Variants in MYO1B observed in about 807,000 individuals in gnomAD.
The protein encoded by MYO1B is myosin IB, also known as unconventional myosin-Ib.
A neutral mutation model predicts 159.7 loss-of-function variants in MYO1B; 72 were observed. That is an observed-to-expected ratio of 0.45 (90% CI 0.37 to 0.55). The LOEUF is 0.55. Among genes scored for constraint, MYO1B ranks in the 20% least tolerant of loss-of-function variants. MYO1B has a pLI of 0.00. For missense variants in MYO1B, 1,062 were observed against 1,364.8 expected (o/e 0.78, Z 3.50); for synonymous variants, 468 against 473.8 (o/e 0.99, Z 0.16).
At position 191,416,218 on chromosome 2, in the gene MYO1B, A is replaced by G; in HGVS notation, c.3263A>G (p.Lys1088Arg). 6.2e-7 allele frequency: 1 copy of G among 1,614,162 alleles called. No homozygotes were observed. Among genetic ancestry groups the G allele is most frequent in the Non-Finnish European group, 8.5e-7 (1 of 1,180,038 alleles). Residue 1088 changes from lysine to arginine, a missense_variant, in exon 30 of 31, where the codon AAG becomes AGG. Physicochemically the swap from Lys to Arg is conservative, Grantham distance 26. Coordinates refer to ENST00000392318, the MANE Select transcript of MYO1B (RefSeq NM_001130158.3). ...ACAACTCTCAGCCAAACCAAACAGA[A>G]GCTCAATATTGAGATTTCCGATGAG... ...YRTTLSQTKQ[K>R]LNIEISDEFL...
chr2:191,364,888 T>G (rs1457529615), intron 11 of MYO1B, among the ~76,000 whole-genome samples: 1 of 152,140 alleles, frequency 6.6e-6, no homozygotes, highest in African/African-American at 2.4e-5. Flanking sequence ...CAAGGGTGAT[T>G]TAATGTTTTT....
chr2:191,316,545 A>G (rs1690362149), intron 3 of MYO1B, among the ~76,000 whole-genome samples: 2 of 152,210 alleles, frequency 1.3e-5, no homozygotes, highest in Admixed American at 6.5e-5. Context: ...CCTTTAAGCA[A>G]TAAAGCTAGA....
intron 4 of MYO1B, among the ~76,000 whole-genome samples, chr2:191,334,906 G>A (rs534126197): frequency 6.6e-6 from 1 of 152,254 alleles, no homozygotes; most frequent in Non-Finnish European, 1.5e-5. Flanking sequence ...GGCAAAACAA[G>A]CAACCAAATT....
intron 24 of MYO1B, among the ~76,000 whole-genome samples, chr2:191,407,387 A>C (rs1290734325): frequency 6.6e-6 from 1 of 152,242 alleles, no homozygotes; most frequent in African/African-American, 2.4e-5. Flanking sequence ...ATAAATACTT[A>C]AGATATTTTT....
In MYO1B at chr2:191,284,295, C is replaced by T. The variant is rs117572464; in HGVS notation, c.135+7265C>T. Among the ~76,000 whole-genome samples, 38 of 152,198 alleles carry T rather than the reference C, an allele frequency of 2.5e-4. No homozygotes were observed. The East Asian group carries it at 6.9e-3, about 28-fold the overall frequency. ...CATAGTGCAGAAAAATTTTAATAAT[C>T]CTAATTTCTAAAGAGAGGCTATTTT... On this transcript the variant is annotated intron_variant, in intron 2 of 30. Coordinates refer to ENST00000392318, the MANE Select transcript of MYO1B (RefSeq NM_001130158.3).
intron 17 of MYO1B, among the ~76,000 whole-genome samples, chr2:191,389,189 A>G (rs1485880139): frequency 6.6e-6 from 1 of 152,178 alleles, no homozygotes; most frequent in Non-Finnish European, 1.5e-5. Context: ...CATTATTTTT[A>G]TAAATGGTAA....
At chr2:191,279,141 G>A (rs1357895347) in intron 2 of MYO1B, among the ~76,000 whole-genome samples, 1 of 152,122 alleles carries the variant, frequency 6.6e-6, no homozygotes, top group Non-Finnish European at 1.5e-5. Context: ...TAAAACAAAA[G>A]CAGAAAATTG....
At chr2:191,393,363 T>C in intron 20 of MYO1B, 141 bp downstream of exon 20, 1 of 1,052,680 alleles carries the variant, frequency 9.5e-7, no homozygotes, top group Non-Finnish European at 1.3e-6. Context: ...AATGGTTCTT[T>C]TTTTTAAAGA....
chr2:191,364,013 C>T, intron 10 of MYO1B, 138 bp downstream of exon 10: 1 of 1,273,206 alleles, frequency 7.9e-7, no homozygotes, highest in South Asian at 1.2e-5. Context: ...AGAAATAGAA[C>T]TGTGGCTAAG....
rs1412800554 is a variant in MYO1B at position 191,302,228 on chromosome 2, G to A, written c.251+6002G>A. The stretch of plus-strand genomic sequence containing the variant: ...CGTGGTCGTCAACACACCTCTTCTT[G>A]CTATGGTTGATTAGGTTTTGGTGTC... On this transcript the variant is annotated intron_variant, in intron 3 of 30. Transcript: ENST00000392318. Among the ~76,000 whole-genome samples, 3 of 152,144 alleles carry A rather than the reference G, an allele frequency of 2.0e-5. No individual in the cohort carries two copies. In the East Asian group the frequency reaches 5.8e-4, roughly 29 times the overall value.
chr2:191,400,261 C>A, intron 21 of MYO1B, 121 bp from the exon 22 acceptor site: 1 of 1,069,278 alleles, frequency 9.4e-7, no homozygotes, highest in Non-Finnish European at 1.4e-6. Flanking sequence ...CTTCTTTAAC[C>A]TGTTGATTTA....
chr2:191,371,369 C>G (rs1170435570), intron 13 of MYO1B, among the ~76,000 whole-genome samples: 1 of 152,146 alleles, frequency 6.6e-6, no homozygotes, highest in Non-Finnish European at 1.5e-5. Flanking sequence ...AGTATGTTTT[C>G]CCTCAATCAT....
At chr2:191,334,065 C>T (rs1183318246) in intron 4 of MYO1B, among the ~76,000 whole-genome samples, 1 of 151,026 alleles carries the variant, frequency 6.6e-6, no homozygotes, top group Non-Finnish European at 1.5e-5. Context: ...TCCTAAGCCT[C>T]TTTCATTCTT....
chr2:191,388,218 A>C (rs769599411), intron 17 of MYO1B: 1 of 151,454 alleles, frequency 6.6e-6, no homozygotes, highest in Non-Finnish European at 1.5e-5. Context: ...CAGAGGTTGC[A>C]GTGAGCCGAG....
chr2:191,296,519 G>A (rs1214541312), intron 3 of MYO1B, among the ~76,000 whole-genome samples: 6 of 152,268 alleles, frequency 3.9e-5, no homozygotes, highest in African/African-American at 1.2e-4. Flanking sequence ...AAATAAAACA[G>A]GAATGTGCAT....
At position 191,400,436 on chromosome 2, in the gene MYO1B, A is replaced by G. The variant is rs374826734; in HGVS notation, c.2350A>G (p.Thr784Ala). 1 of 1,614,142 alleles carries G rather than the reference A, an allele frequency of 6.2e-7. No homozygotes were observed. Among genetic ancestry groups the G allele is most frequent in the Non-Finnish European group, 8.5e-7 (1 of 1,180,024 alleles). The change falls in exon 22 of 31, where the codon ACG (threonine) becomes GCG (alanine). Residue 784 changes from threonine to alanine, a missense_variant. Thr to Ala is a moderately conservative substitution (Grantham distance 58). Coordinates refer to ENST00000392318, the MANE Select transcript of MYO1B (RefSeq NM_001130158.3). ...KHQKRCKEAVTTIAAYWHGTQ... is the reference protein window; with the variant it reads ...KHQKRCKEAVATIAAYWHGTQ... The stretch of plus-strand genomic sequence containing the variant: ...TCAAAAGCGCTGTAAGGAAGCAGTC[A>G]CGACCATTGCTGCATATTGGCATGG...
At chr2:191,271,128 G>C (rs1241056830) in intron 1 of MYO1B, among the ~76,000 whole-genome samples, 5 of 152,190 alleles carry the variant, frequency 3.3e-5, no homozygotes, top group Non-Finnish European at 1.5e-5. Context: ...TTCTAGAAAA[G>C]GTGCTGTCAT....
At chr2:191,329,859 G>A in intron 3 of MYO1B, 76 bp from the exon 4 acceptor site, 2 of 1,227,364 alleles carry the variant, frequency 1.6e-6, no homozygotes, top group Non-Finnish European at 2.3e-6. Context: ...GCCCTTTAAG[G>A]AGCTTGTAGT....
intron 4 of MYO1B, among the ~76,000 whole-genome samples, chr2:191,332,934 A>G (rs1232088950): frequency 6.6e-6 from 1 of 152,150 alleles, no homozygotes; most frequent in Non-Finnish European, 1.5e-5. Context: ...TCTACTACCT[A>G]ATTTAATGGC....
Sources: allele counts gnomAD v4.1 joint callset (sites outside exome capture counted in the v4.1 genomes callset), GRCh38; gene constraint gnomAD v4.1.1; transcripts MANE v1.5; gene names NCBI Gene and HGNC (gene_info 2026-07-23, HGNC 2026-07-21).